TUBGCP5: variants seen among roughly 807,000 people sequenced by gnomAD.
TUBGCP5 encodes the protein gamma-tubulin complex component 5.
TUBGCP5 carries 98 observed loss-of-function variants against 134.7 expected under a neutral mutation model. The observed-to-expected ratio is 0.73, with a 90% CI of 0.62 to 0.86. TUBGCP5 has a LOEUF of 0.86. Among genes scored for constraint, TUBGCP5 ranks in the 40% least tolerant of loss-of-function variants. TUBGCP5 has a pLI of 0.00. For missense variants in TUBGCP5, 1,150 were observed against 1,244.8 expected (o/e 0.92, Z 1.15); for synonymous variants, 456 against 431.4 (o/e 1.06, Z -0.71).
downstream of TUBGCP5, among the ~76,000 whole-genome samples, chr15:22,996,460 T>C (rs566270174): frequency 3.3e-5 from 5 of 152,184 alleles, no homozygotes; most frequent in East Asian, 3.9e-4. Context: ...CCGGGGAACA[T>C]AGTTAAGACT....
downstream of TUBGCP5, among the ~76,000 whole-genome samples, chr15:22,996,254 T>C (rs1595798830): frequency 6.6e-6 from 1 of 152,180 alleles, no homozygotes; most frequent in Non-Finnish European, 1.5e-5. Flanking sequence ...TTATTTGACA[T>C]GCCGGTCTTT....
chr15:23,015,822 A>G (rs769771653), intron 13 of TUBGCP5, among the ~76,000 whole-genome samples: 3 of 152,188 alleles, frequency 2.0e-5, no homozygotes, highest in Admixed American at 2.0e-4. Context: ...AGGTGAATGC[A>G]TCCCACTGAA....
chr15:23,019,480 A>G, intron 11 of TUBGCP5, 146 bp from the exon 12 acceptor site: 1 of 644,464 alleles, frequency 1.6e-6, no homozygotes, highest in South Asian at 1.9e-5. Flanking sequence ...ATCCAAAAAC[A>G]TACACTATAA....
At chr15:22,988,530 G>A (rs1044887577) in intron 23 of TUBGCP5, among the ~76,000 whole-genome samples, 14 of 151,410 alleles carry the variant, frequency 9.2e-5, no homozygotes, top group Admixed American at 2.6e-4. Context: ...TCAGGAGATC[G>A]AGACCATCCT....
chr15:23,004,064 C>A, intron 20 of TUBGCP5, 38 bp downstream of exon 20: 1 of 1,570,254 alleles, frequency 6.4e-7, no homozygotes, highest in Non-Finnish European at 8.6e-7. Context: ...CGCCACTCGC[C>A]CAGCAGTGGC....
At chr15:23,031,875 G>T (rs934306330) in intron 5 of TUBGCP5, 75 bp downstream of exon 5, 4 of 1,158,156 alleles carry the variant, frequency 3.5e-6, no homozygotes, top group Non-Finnish European at 5.0e-6. Context: ...GACCTAGGGT[G>T]GAAAGACCCA....
intron 13 of TUBGCP5, among the ~76,000 whole-genome samples, chr15:23,016,997 T>TATATATA (rs1254127035): frequency 1.4e-5 from 2 of 145,800 alleles, no homozygotes; most frequent in South Asian, 2.2e-4. Context: ...TGTATATATC[T>TATATATA]TGAAGATAAA....
In TUBGCP5 at chr15:23,031,137, G is replaced by C. The variant is rs563776103; in HGVS notation, c.487-117C>G. ...AAAAACTTTGAAGCAACATGGAACA[G>C]AAAAACAAATTTTTTTTTCCTAAAT... On this transcript the variant is annotated intron_variant, in intron 5 of 22. Transcript: ENST00000615383. 2.9e-6 allele frequency: 3 copies of C among 1,029,916 alleles called. No individual in the cohort carries two copies. The East Asian group carries it at 8.2e-5, about 28-fold the overall frequency. The allele number at this position is 1,029,916 out of a possible 1,614,324, so 63.8% of individuals were successfully genotyped here.
chr15:23,003,046 G>A lies in TUBGCP5; in HGVS notation c.2927+19C>T, dbSNP rs370607585. ...CTGAAATGGTCACAGTGCAGATGCT[G>A]CAGAAATCACATACTTACCGCCAAG... On this transcript the variant is annotated intron_variant, in intron 21 of 22. Transcript: ENST00000615383. The A allele has an allele frequency of 1.2e-6, 2 of 1,613,070 alleles. No individual in the cohort carries two copies. The highest frequency in any genetic ancestry group is 8.5e-7 in the Non-Finnish European group (1 of 1,179,226).
rs1166946484 is a variant in TUBGCP5 at position 23,000,635 on chromosome 15, T to A, written c.2962A>T (p.Lys988Ter). ...ESIEKMESDF[K>*]NCHMFLVTIL... ...GTTACAAGAAACATATGGCAGTTTT[T>A]AAAATCAGATTCCATTTTCTCTATA... Residue 988 changes from lysine to a stop codon, truncating the protein, a stop_gained, in exon 22 of 23, where the codon AAA becomes TAA. Coordinates refer to ENST00000615383, the MANE Select transcript of TUBGCP5 (RefSeq NM_052903.6). LOFTEE classifies it high-confidence loss of function. 2 of 1,606,914 alleles carry A rather than the reference T, an allele frequency of 1.2e-6. No individual in the cohort carries two copies. Among genetic ancestry groups the A allele is most frequent in the Non-Finnish European group, 1.7e-6 (2 of 1,174,932 alleles).
chr15:23,018,224 C>T (rs1174524488), intron 12 of TUBGCP5, among the ~76,000 whole-genome samples, 183 bp from the exon 13 acceptor site: 1 of 152,066 alleles, frequency 6.6e-6, no homozygotes, highest in Non-Finnish European at 1.5e-5. Context: ...TGAATAAATA[C>T]TTTGAATAGT....
intron 8 of TUBGCP5, among the ~76,000 whole-genome samples, chr15:23,025,896 C>T (rs558656766): frequency 1.4e-4 from 21 of 151,614 alleles, no homozygotes; most frequent in African/African-American, 4.8e-4. Context: ...AAGAGATGGG[C>T]TAACCTAAGT....
chr15:22,987,855 C>G (rs1166957259), intron 23 of TUBGCP5, among the ~76,000 whole-genome samples: 2 of 138,948 alleles, frequency 1.4e-5, no homozygotes, highest in South Asian at 2.4e-4. Context: ...GAGATTGCGC[C>G]ACCACACTCC....
rs769885946 is a variant in TUBGCP5, at chr15:23,036,871, T to C, written c.309+26A>G. 7 of 1,377,510 alleles carry C rather than the reference T, an allele frequency of 5.1e-6. No homozygotes were observed. The South Asian group carries it at 6.1e-5, about 12-fold the overall frequency. The allele number at this position is 1,377,510 out of a possible 1,614,324, so 85.3% of individuals were successfully genotyped here. On this transcript the variant is annotated intron_variant, in intron 3 of 22. Coordinates refer to ENST00000615383, the MANE Select transcript of TUBGCP5 (RefSeq NM_052903.6). The stretch of plus-strand genomic sequence containing the variant: ...AGATAGGAAACAGTAAAATACACAG[T>C]GGAGATCTCATAATTGAAGGCATAC...
intron 6 of TUBGCP5, among the ~76,000 whole-genome samples, chr15:23,029,049 T>C (rs1440193877): frequency 6.6e-6 from 1 of 152,108 alleles, no homozygotes; most frequent in Non-Finnish European, 1.5e-5. Context: ...ATAACATATG[T>C]AGAAATTAAC....
chr15:23,002,884 C>CA (rs1555433904), intron 21 of TUBGCP5, among the ~76,000 whole-genome samples, 181 bp downstream of exon 21: 1 of 145,552 alleles, frequency 6.9e-6, no homozygotes. Context: ...AATACTTGCA[C>CA]TTTTTTTTTT....
At chr15:22,991,105 T>C in intron 23 of TUBGCP5, among the ~76,000 whole-genome samples, 1 of 41,552 alleles carries the variant, frequency 2.4e-5, no homozygotes, top group South Asian at 7.0e-4. Context: ...ATAAATTACT[T>C]TTTTTTTTTT....
At chr15:22,998,741 A>G (rs191196228), downstream of TUBGCP5, among the ~76,000 whole-genome samples, 293 of 152,120 alleles carry the variant, frequency 1.9e-3, 1 homozygote, top group Admixed American at 4.2e-3. Flanking sequence ...CAGCCTCCCA[A>G]GTAGCTGGGA....
At chr15:22,986,477 C>T (rs1412622523) in intron 23 of TUBGCP5, among the ~76,000 whole-genome samples, 1 of 152,156 alleles carries the variant, frequency 6.6e-6, no homozygotes, top group African/African-American at 2.4e-5. Flanking sequence ...TGGTTCACCC[C>T]TGTAATCCCA....
Sources: allele counts gnomAD v4.1 joint callset (sites outside exome capture counted in the v4.1 genomes callset), GRCh38; gene constraint gnomAD v4.1.1; transcripts MANE v1.5; gene names NCBI Gene and HGNC (gene_info 2026-07-23, HGNC 2026-07-21).